Variants in CDH8 observed in about 807,000 individuals in gnomAD.
CDH8 encodes the protein cadherin-8.
CDH8 carries 17 observed loss-of-function variants against 68.1 expected under a neutral mutation model. The ratio of observed to expected loss-of-function variants is 0.25; its 90% CI spans 0.17 to 0.37. The LOEUF (loss-of-function observed/expected upper bound fraction) is 0.37, where lower values mean the gene tolerates loss of function less well. Among genes scored for constraint, CDH8 ranks in the 10% least tolerant of loss-of-function variants. The pLI is 1.00. For synonymous variants in CDH8, 372 were observed against 365.1 expected, an observed-to-expected ratio of 1.02 and a Z score of -0.21; for missense variants, 763 against 999.3, an observed-to-expected ratio of 0.76 and a Z score of 3.19.
intron 4 of CDH8, among the ~76,000 whole-genome samples, chr16:61,826,637 TTC>T (rs1386119085): frequency 6.7e-6 from 1 of 150,178 alleles, no homozygotes; most frequent in Non-Finnish European, 1.5e-5. Flanking sequence ...GAAGTTGTAA[TTC>T]TTTTTTTTTT....
chr16:61,981,692 G>A (rs1000655036), intron 2 of CDH8, among the ~76,000 whole-genome samples: 4 of 151,652 alleles, frequency 2.6e-5, no homozygotes, highest in African/African-American at 4.8e-5. Context: ...GCGCGCGCGC[G>A]CGTGCGCTTG....
At chr16:61,800,304 T>A (rs1334273964) in intron 7 of CDH8, among the ~76,000 whole-genome samples, 1 of 152,186 alleles carries the variant, frequency 6.6e-6, no homozygotes, top group Non-Finnish European at 1.5e-5. Context: ...ACCCACACGG[T>A]CTCACCCGGT....
chr16:61,828,530 T>C (rs1962392029), intron 4 of CDH8, among the ~76,000 whole-genome samples: 1 of 151,890 alleles, frequency 6.6e-6, no homozygotes, highest in Non-Finnish European at 1.5e-5. Flanking sequence ...CATTCATTTT[T>C]CTTAATTTTT....
intron 2 of CDH8, among the ~76,000 whole-genome samples, chr16:62,006,520 T>C (rs1307851748): frequency 6.6e-6 from 1 of 152,168 alleles, no homozygotes; most frequent in Non-Finnish European, 1.5e-5. Context: ...TCAGGTAAGA[T>C]CTAAATGAGA....
chr16:61,906,750 C>G (rs1158256251), intron 2 of CDH8, among the ~76,000 whole-genome samples: 2 of 151,994 alleles, frequency 1.3e-5, no homozygotes, highest in Non-Finnish European at 2.9e-5. Context: ...CATTTATTTT[C>G]AAAACAATGA....
intron 7 of CDH8, among the ~76,000 whole-genome samples, chr16:61,789,778 C>T (rs1182757624): frequency 6.6e-6 from 1 of 152,088 alleles, no homozygotes; most frequent in Non-Finnish European, 1.5e-5. Context: ...GACAATCCAT[C>T]ACATTTATTG....
intron 1 of CDH8, among the ~76,000 whole-genome samples, chr16:62,033,935 G>T (rs996432056): frequency 6.6e-6 from 1 of 151,972 alleles, no homozygotes; most frequent in Non-Finnish European, 1.5e-5. Context: ...ATGTGACAGC[G>T]AGCTTCAAAT....
intron 7 of CDH8, among the ~76,000 whole-genome samples, chr16:61,804,036 C>A (rs560695401): frequency 2.9e-4 from 38 of 132,708 alleles, no homozygotes; most frequent in African/African-American, 1.2e-3. Flanking sequence ...CACCACACCA[C>A]ACCTATTCCA....
chr16:61,907,191 C>A (rs1285487159), intron 2 of CDH8, among the ~76,000 whole-genome samples: 1 of 152,148 alleles, frequency 6.6e-6, no homozygotes, highest in East Asian at 1.9e-4. Flanking sequence ...TATCTTAATA[C>A]CAAATCTACT....
chr16:61,658,786 G>A (rs1017174956), intron 10 of CDH8, among the ~76,000 whole-genome samples: 1 of 152,024 alleles, frequency 6.6e-6, no homozygotes, highest in Non-Finnish European at 1.5e-5. Flanking sequence ...AAGAAACTTG[G>A]TAGAAGTTAT....
chr16:61,777,303 T>G (rs1960926020), intron 8 of CDH8, among the ~76,000 whole-genome samples: 1 of 152,186 alleles, frequency 6.6e-6, no homozygotes, highest in Non-Finnish European at 1.5e-5. Context: ...GATAACCATT[T>G]GCTATGAGCT....
At chr16:61,823,337 C>T (rs946885917) in intron 5 of CDH8, among the ~76,000 whole-genome samples, 3 of 151,782 alleles carry the variant, frequency 2.0e-5, no homozygotes, top group African/African-American at 7.3e-5. Flanking sequence ...CTTTAAAAAA[C>T]AGATTTCCTA....
At chr16:61,745,329 G>A (rs1959992550) in intron 8 of CDH8, among the ~76,000 whole-genome samples, 1 of 151,422 alleles carries the variant, frequency 6.6e-6, no homozygotes, top group African/African-American at 2.4e-5. Context: ...ATGTGTCCTG[G>A]TATGCTTTTA....
intron 7 of CDH8, among the ~76,000 whole-genome samples, chr16:61,809,258 CT>C (rs1961881124): frequency 6.6e-6 from 1 of 152,132 alleles, no homozygotes; most frequent in South Asian, 2.1e-4. Context: ...AGGCTTACCC[CT>C]GGCCTAGTGT....
chr16:61,949,187 C>G (rs1196294526), intron 2 of CDH8, among the ~76,000 whole-genome samples: 1 of 152,200 alleles, frequency 6.6e-6, no homozygotes, highest in East Asian at 1.9e-4. Context: ...AAAGGACTCT[C>G]TAACAACCCC....
At chr16:61,816,375 C>T (rs965989959) in intron 7 of CDH8, among the ~76,000 whole-genome samples, 2 of 152,062 alleles carry the variant, frequency 1.3e-5, no homozygotes, top group South Asian at 2.1e-4. Context: ...TTTAAAAAAT[C>T]GAATAAATAA....
chr16:61,911,333 T>A (rs560234997), intron 2 of CDH8, among the ~76,000 whole-genome samples: 4 of 152,276 alleles, frequency 2.6e-5, no homozygotes, highest in African/African-American at 9.6e-5. Context: ...TTCTCAGCCA[T>A]CCTTCCATTT....
At chr16:61,762,825 G>C (rs1204956203) in intron 8 of CDH8, among the ~76,000 whole-genome samples, 3 of 152,144 alleles carry the variant, frequency 2.0e-5, no homozygotes, top group South Asian at 2.1e-4. Context: ...GCATCACCTA[G>C]AGGCTTTTTA....
intron 8 of CDH8, among the ~76,000 whole-genome samples, chr16:61,740,203 C>A (rs1258615453): frequency 6.6e-6 from 1 of 151,762 alleles, no homozygotes; most frequent in Non-Finnish European, 1.5e-5. Context: ...CTGCGCCCGG[C>A]CAATATAGTA....
Sources: allele counts gnomAD v4.1 joint callset (sites outside exome capture counted in the v4.1 genomes callset), GRCh38; gene constraint gnomAD v4.1.1; transcripts MANE v1.5; gene names NCBI Gene and HGNC (gene_info 2026-07-23, HGNC 2026-07-21).